Variants in GRIK2 observed in about 807,000 individuals in gnomAD.
The protein encoded by GRIK2 is glutamate ionotropic receptor kainate type subunit 2, also known as glutamate receptor ionotropic, kainate 2.
GRIK2 carries 32 observed loss-of-function variants against 100.3 expected under a neutral mutation model. The ratio of observed to expected loss-of-function variants is 0.32; its 90% confidence interval spans 0.24 to 0.43. The LOEUF (loss-of-function observed/expected upper bound fraction) is 0.43, where lower values mean the gene tolerates loss of function less well. Ranked by LOEUF, GRIK2 falls within the 20% of genes least tolerant of loss-of-function variation. The pLI is 1.00. For synonymous variants in GRIK2, 417 were observed against 389.4 expected, an observed-to-expected ratio of 1.07 and a Z score of -0.83; for missense variants, 843 against 1,114.9, an observed-to-expected ratio of 0.76 and a Z score of 3.47.
intron 2 of GRIK2, among the ~76,000 whole-genome samples, chr6:101,473,469 C>A (rs1214972054): frequency 6.6e-6 from 1 of 151,678 alleles, no homozygotes; most frequent in Admixed American, 6.6e-5. Flanking sequence ...GTAAAAAATT[C>A]TGTTGGACTT....
intron 7 of GRIK2, among the ~76,000 whole-genome samples, chr6:101,782,655 G>A (rs1779169882): frequency 2.6e-5 from 4 of 152,232 alleles, no homozygotes; most frequent in East Asian, 1.9e-4. Flanking sequence ...TGCAAATAGT[G>A]TTAAATAAAC....
At chr6:101,949,241 A>G (rs1255584633) in intron 14 of GRIK2, among the ~76,000 whole-genome samples, 1 of 151,256 alleles carries the variant, frequency 6.6e-6, no homozygotes, top group African/African-American at 2.4e-5. Context: ...TTTTGCCTCC[A>G]TAGGATTTTT....
intron 9 of GRIK2, among the ~76,000 whole-genome samples, chr6:101,816,814 C>A (rs1359715814): frequency 6.6e-6 from 1 of 152,136 alleles, no homozygotes; most frequent in East Asian, 1.9e-4. Flanking sequence ...AGGCCCTCTA[C>A]TAGCCCTGGT....
chr6:101,917,521 T>A (rs1378017059), intron 12 of GRIK2, among the ~76,000 whole-genome samples: 1 of 151,644 alleles, frequency 6.6e-6, no homozygotes. Context: ...GGGTTTTTAG[T>A]GTAGCAATTA....
intron 7 of GRIK2, among the ~76,000 whole-genome samples, chr6:101,760,500 T>TTAATTTATTATATATAATTATATA: frequency 1.8e-5 from 1 of 56,138 alleles, no homozygotes; most frequent in African/African-American, 7.8e-5. Flanking sequence ...TTAATTATAT[T>TTAATTTATTATATATAATTATATA]TAATTATATA....
chr6:101,780,798 G>A (rs901619959), intron 7 of GRIK2, among the ~76,000 whole-genome samples: 10 of 152,250 alleles, frequency 6.6e-5, no homozygotes, highest in African/African-American at 2.2e-4. Flanking sequence ...TGTAAGAGAC[G>A]CCTCTTAGGC....
intron 5 of GRIK2, among the ~76,000 whole-genome samples, chr6:101,679,777 TC>T (rs1771102691): frequency 6.6e-6 from 1 of 152,212 alleles, no homozygotes; most frequent in South Asian, 2.1e-4. Context: ...TCTGGCTCTG[TC>T]GCCCAGGCTA....
chr6:101,939,088 A>G (rs1406409634), intron 14 of GRIK2, among the ~76,000 whole-genome samples: 1 of 152,050 alleles, frequency 6.6e-6, no homozygotes, highest in African/African-American at 2.4e-5. Context: ...GGTTCATTTC[A>G]ATTTATTACA....
At chr6:101,516,095 A>G (rs1456655499) in intron 2 of GRIK2, among the ~76,000 whole-genome samples, 3 of 152,090 alleles carry the variant, frequency 2.0e-5, no homozygotes, top group Non-Finnish European at 4.4e-5. Context: ...AGATGATATA[A>G]ACAAATGGAA....
In GRIK2 at chr6:101,691,015, G is replaced by A. The variant is rs1267483839; in HGVS notation, c.951+4662G>A. Reference sequence around the variant, plus strand: ...TCAATAGACTGTTAGCTCTTTTGAAGCAAGAAGTAGATATTGTAATCTTTG... The same window carrying A: ...TCAATAGACTGTTAGCTCTTTTGAAACAAGAAGTAGATATTGTAATCTTTG... On this transcript the variant is annotated intron_variant, in intron 7 of 16. Coordinates refer to ENST00000369134, the MANE Select transcript of GRIK2 (RefSeq NM_021956.5). 2.6e-5 allele frequency among the ~76,000 whole-genome samples: 4 copies of A among 152,114 alleles called. No individual in the cohort carries two copies. The East Asian group carries it at 7.7e-4, about 29-fold the overall frequency.
chr6:101,762,186 T>C (rs75306485), intron 7 of GRIK2, among the ~76,000 whole-genome samples: 3 of 145,408 alleles, frequency 2.1e-5, no homozygotes, highest in East Asian at 2.0e-4. Context: ...CTCTCTCTCT[T>C]CTTTCTCAGA....
At chr6:102,041,352 T>TTTTAC (rs1360079452) in intron 15 of GRIK2, among the ~76,000 whole-genome samples, 8 of 151,692 alleles carry the variant, frequency 5.3e-5, no homozygotes, top group Non-Finnish European at 8.9e-5. Flanking sequence ...TGGCTTCAAA[T>TTTTAC]TTTACTTTAG....
At chr6:101,972,694 C>T (rs945228335) in intron 14 of GRIK2, among the ~76,000 whole-genome samples, 3 of 151,814 alleles carry the variant, frequency 2.0e-5, no homozygotes, top group African/African-American at 7.3e-5. Flanking sequence ...ATATTTAAAT[C>T]TTTAATTAAT....
At chr6:101,949,279 G>A (rs371237550) in intron 14 of GRIK2, among the ~76,000 whole-genome samples, 1 of 151,508 alleles carries the variant, frequency 6.6e-6, no homozygotes, top group East Asian at 1.9e-4. Context: ...CATGTTAAAT[G>A]CCTAGATTTG....
chr6:101,702,112 AT>A (rs2128353213), intron 7 of GRIK2, among the ~76,000 whole-genome samples: 1 of 152,046 alleles, frequency 6.6e-6, no homozygotes, highest in East Asian at 1.9e-4. Flanking sequence ...TCATAATTCA[AT>A]TAAACATTAC....
intron 7 of GRIK2, among the ~76,000 whole-genome samples, chr6:101,779,864 T>C (rs1236770439): frequency 6.6e-6 from 1 of 151,584 alleles, no homozygotes; most frequent in African/African-American, 2.4e-5. Context: ...CTTGGAGAGA[T>C]AAATCTCTCT....
chr6:101,920,297 C>G (rs980391492), intron 12 of GRIK2, among the ~76,000 whole-genome samples: 2 of 151,938 alleles, frequency 1.3e-5, no homozygotes, highest in African/African-American at 4.8e-5. Flanking sequence ...AACAGTCCAG[C>G]TCTGGTGGGA....
chr6:101,723,217 G>T (rs1469205168), intron 7 of GRIK2, among the ~76,000 whole-genome samples: 1 of 151,944 alleles, frequency 6.6e-6, no homozygotes, highest in Admixed American at 6.6e-5. Context: ...TCATGTCAAA[G>T]ATTTATCTTT....
At chr6:101,868,205 TAA>T (rs561914967) in intron 11 of GRIK2, among the ~76,000 whole-genome samples, 3 of 136,600 alleles carry the variant, frequency 2.2e-5, no homozygotes, top group Non-Finnish European at 1.6e-5. Context: ...AAATGCTTCT[TAA>T]AAAAAAAAAA....
Sources: gnomAD v4.1 joint callset for allele counts (sites outside exome capture counted in the v4.1 genomes callset) on GRCh38, gnomAD v4.1.1 for gene constraint, MANE v1.5 for transcripts, NCBI Gene and HGNC (gene_info 2026-07-23, HGNC 2026-07-21) for gene names.